The following USH1C variants were observed in gnomAD, a reference collection of about 807,000 sequenced individuals.
The protein encoded by USH1C is USH1 protein network component harmonin, also known as harmonin.
In USH1C, 90 loss-of-function variants were observed where a neutral mutation model predicts 119.3. The observed-to-expected ratio is 0.75, with a 90% CI of 0.64 to 0.90. USH1C has a LOEUF of 0.90. Ranked by LOEUF, USH1C falls within the 40% of genes least tolerant of loss-of-function variation. The pLI is 0.00. For synonymous variants in USH1C, 465 were observed against 443.3 expected (o/e 1.05, Z -0.62); for missense variants, 1,165 against 1,167.7 (o/e 1.00, Z 0.03).
At chr11:17,520,094 C>T (rs1291612873) in intron 14 of USH1C, among the ~76,000 whole-genome samples, 2 of 152,200 alleles carry the variant, frequency 1.3e-5, no homozygotes, top group African/African-American at 2.4e-5. Flanking sequence ...AGTAAGGACC[C>T]AACCAGCAAT....
In USH1C at chr11:17,502,459, T is replaced by C. The variant is rs1849484108; in HGVS notation, c.2185-479A>G. 2.0e-5 allele frequency among the ~76,000 whole-genome samples: 3 copies of C among 152,178 alleles called. No homozygotes were observed. The South Asian group carries it at 6.2e-4, about 31-fold the overall frequency. On this transcript the variant is annotated intron_variant, in intron 20 of 26. Transcript: ENST00000005226. Reference sequence around the variant, plus strand: ...ATCCAGCTCAAGAGAAGGCTGTTCCTGGAAATCAGCCACAAGATGGTGGAG... The same window carrying C: ...ATCCAGCTCAAGAGAAGGCTGTTCCCGGAAATCAGCCACAAGATGGTGGAG...
chr11:17,532,825 C>A (rs918473311), intron 2 of USH1C, among the ~76,000 whole-genome samples: 1 of 152,192 alleles, frequency 6.6e-6, no homozygotes, highest in African/African-American at 2.4e-5. Context: ...AATTCATTTC[C>A]AGATTCTGCA....
At position 17,504,589 on chromosome 11, in the gene USH1C, A is replaced by C. The variant is rs1348718103; in HGVS notation, c.2184+58T>G. 3 of 1,578,398 alleles carry C rather than the reference A, an allele frequency of 1.9e-6. No homozygotes were observed. In the Admixed American group the frequency reaches 5.0e-5, roughly 26 times the overall value. On this transcript the variant is annotated intron_variant, in intron 20 of 26. Coordinates refer to ENST00000005226, the MANE Select transcript of USH1C (RefSeq NM_153676.4). ...TCCCAGAGAGAAAGAAGTGGCACAGAGTGGGAGGGACGGGGGTGGTGGGGA... is the reference window on the plus strand; with the variant it reads ...TCCCAGAGAGAAAGAAGTGGCACAGCGTGGGAGGGACGGGGGTGGTGGGGA...
intron 18 of USH1C, among the ~76,000 whole-genome samples, chr11:17,508,207 G>T (rs1454130423): frequency 6.6e-6 from 1 of 152,232 alleles, no homozygotes; most frequent in South Asian, 2.1e-4. Context: ...TCTGGGGAAA[G>T]ATGTCCCGAG....
chr11:17,526,316 C>A, intron 8 of USH1C, 31 bp downstream of exon 8: 1 of 1,596,076 alleles, frequency 6.3e-7, no homozygotes. Flanking sequence ...GCACTGGCCA[C>A]GAATGACCCC....
intron 1 of USH1C, chr11:17,533,899 A>G: frequency 2.8e-6 from 1 of 361,788 alleles, no homozygotes; most frequent in East Asian, 7.6e-5. Context: ...AGTCAGTTTC[A>G]TGGCCACTCC....
Position 17,523,416 on chromosome 11 carries a change from C to T in USH1C, c.819+3G>A. ...CCAACAGGTGAAGACCCCCACATCT[C>T]ACCTCCTTGTGATCCAGGTTAGAGA... is the stretch of plus-strand genomic sequence containing the variant. On this transcript the variant is annotated splice_donor_region_variant and intron_variant, in intron 10 of 26. Transcript: ENST00000005226. The T allele has an allele frequency of 1.9e-6, 3 of 1,614,218 alleles. No individual in the cohort carries two copies. The highest frequency in any genetic ancestry group is 1.7e-6 in the Non-Finnish European group (2 of 1,180,032).
At position 17,512,019 on chromosome 11, in the gene USH1C, G is replaced by T. The variant is rs765926850; in HGVS notation, c.1296C>A (p.Ser432Arg). ...TCTTATTCTTTCTCAAGTCCTGCAG[G>T]CTGCCATACTTGGCTTTCTTCTTAT... ...GKDKKKAKYG[S>R]LQDLRKNKKE... The change falls in exon 16 of 27, where the codon AGC (serine) becomes AGA (arginine). Residue 432 changes from serine to arginine, a missense_variant. Physicochemically the swap from Ser to Arg is moderately radical, Grantham distance 110 (BLOSUM62 -1). Transcript: ENST00000005226. 9.9e-6 allele frequency: 16 copies of T among 1,614,162 alleles called. No individual in the cohort carries two copies. The highest frequency in any genetic ancestry group is 1.4e-5 in the Non-Finnish European group (16 of 1,180,040).
chr11:17,532,664 T>C (rs1487482605), intron 2 of USH1C, among the ~76,000 whole-genome samples: 2 of 152,206 alleles, frequency 1.3e-5, no homozygotes, highest in African/African-American at 2.4e-5. Context: ...TCCCTCGCAG[T>C]TGGAAAGGAA....
intron 2 of USH1C, 127 bp downstream of exon 2, chr11:17,533,128 C>A (rs951449960): frequency 5.1e-6 from 4 of 782,348 alleles, no homozygotes; most frequent in Admixed American, 1.7e-5. Context: ...ATGGTATGTC[C>A]ATTTGATTTC....
At chr11:17,517,457 G>T in intron 14 of USH1C, 1 of 1,594,722 alleles carries the variant, frequency 6.3e-7, no homozygotes, top group Non-Finnish European at 8.5e-7. Flanking sequence ...TCGAGCTCAG[G>T]TTCCACTCCC....
intron 1 of USH1C, among the ~76,000 whole-genome samples, chr11:17,540,461 G>A (rs1476681381): frequency 6.6e-6 from 1 of 151,942 alleles, no homozygotes; most frequent in Non-Finnish European, 1.5e-5. Context: ...CTCTCTAAGT[G>A]ACCTCATTCA....
intron 1 of USH1C, among the ~76,000 whole-genome samples, chr11:17,543,122 CA>C (rs1851540452): frequency 6.6e-6 from 1 of 152,230 alleles, no homozygotes; most frequent in Non-Finnish European, 1.5e-5. Context: ...ATGCTCAAAA[CA>C]TGCTTATTAA....
At chr11:17,500,349 C>T (rs1849389198) in intron 23 of USH1C, among the ~76,000 whole-genome samples, 1 of 152,208 alleles carries the variant, frequency 6.6e-6, no homozygotes, top group African/African-American at 2.4e-5. Flanking sequence ...GCTGTGGGTC[C>T]TTGAACAAAT....
chr11:17,499,245 C>T (rs1393412879), intron 23 of USH1C, among the ~76,000 whole-genome samples: 1 of 152,178 alleles, frequency 6.6e-6, no homozygotes, highest in African/African-American at 2.4e-5. Context: ...CACCCAGGAG[C>T]CTTGTGGCAT....
intron 17 of USH1C, 122 bp from the exon 18 acceptor site, chr11:17,509,960 A>T (rs1849817121): frequency 1.6e-6 from 2 of 1,224,538 alleles, no homozygotes; most frequent in Non-Finnish European, 2.2e-6. Flanking sequence ...CCACCCTTAC[A>T]TCAGAACCAT....
rs139116036 is a variant in USH1C at position 17,505,874 on chromosome 11, C to G, written c.2089G>C (p.Glu697Gln). The G allele has an allele frequency of 6.8e-6, 11 of 1,614,036 alleles. No individual in the cohort carries two copies. Among genetic ancestry groups the G allele is most frequent in the Non-Finnish European group, 8.5e-7 (1 of 1,180,036 alleles). ...GCTGGCCTGTAGATGAAATTGGGCTCCTGGTGGACCATGACAGGTTTGGAG... is the reference window on the plus strand; with the variant it reads ...GCTGGCCTGTAGATGAAATTGGGCTGCTGGTGGACCATGACAGGTTTGGAG... ...TISKPVMVHQ[E>Q]PNFIYRPAVK... Residue 697 changes from glutamate (E) to glutamine (Q), a missense_variant, in exon 19 of 27, where the codon GAG (glutamate) becomes CAG (glutamine). By Grantham distance (29) the Glu-to-Gln change is conservative. Coordinates refer to ENST00000005226, the MANE Select transcript of USH1C (RefSeq NM_153676.4).
In USH1C at chr11:17,544,315, C is replaced by T; in HGVS notation, c.-8G>A. ...GGCCACTTTTCGGTCCATGGCTGGG[C>T]CAGGTCCAGCTGCGTCGTTGCACGA... On this transcript the variant is annotated 5_prime_UTR_variant, in exon 1 of 27. Transcript: ENST00000005226. The T allele has an allele frequency of 6.2e-7, 1 of 1,614,004 alleles. No individual in the cohort carries two copies. Among genetic ancestry groups the T allele is most frequent in the Admixed American group, 1.7e-5 (1 of 60,020 alleles).
intron 1 of USH1C, among the ~76,000 whole-genome samples, chr11:17,534,212 G>C (rs1851132994): frequency 6.6e-6 from 1 of 152,220 alleles, no homozygotes; most frequent in African/African-American, 2.4e-5. Context: ...GCCCTTCATA[G>C]AGAGGCTGCA....
Sources: allele counts gnomAD v4.1 joint callset (sites outside exome capture counted in the v4.1 genomes callset), GRCh38; gene constraint gnomAD v4.1.1; transcripts MANE v1.5; gene names NCBI Gene and HGNC (gene_info 2026-07-23, HGNC 2026-07-21).